Variants in LIG1 observed in about 807,000 individuals in gnomAD.
LIG1 encodes DNA ligase 1.
Under a neutral mutation model 115.7 loss-of-function variants are expected in LIG1, and 70 were observed. That is an observed-to-expected ratio of 0.60 (90% CI 0.50 to 0.74). The LOEUF is 0.74. LIG1 is among the 30% of genes least tolerant of loss of function. The pLI is 0.00. For missense variants in LIG1, 1,115 were observed against 1,225.6 expected (o/e 0.91, Z 1.35); for synonymous variants, 487 against 495.3 (o/e 0.98, Z 0.22).
chr19:48,142,453 A>AAAAAAAAAAAAAAAAAAC (rs1568516612), intron 11 of LIG1, among the ~76,000 whole-genome samples: 11 of 150,586 alleles, frequency 7.3e-5, no homozygotes, highest in Non-Finnish European at 1.2e-4. Flanking sequence ...AAAAAAAAAA[A>AAAAAAAAAAAAAAAAAAC]AAAACAGAGT....
intron 1 of LIG1, chr19:48,170,019 C>A: frequency 3.0e-6 from 1 of 335,892 alleles, no homozygotes; most frequent in South Asian, 2.1e-5. Flanking sequence ...CTCTGTCTCT[C>A]GTCTACCCTC....
chr19:48,138,912 G>A (rs1034696417), intron 12 of LIG1, among the ~76,000 whole-genome samples: 2 of 152,164 alleles, frequency 1.3e-5, no homozygotes, highest in Non-Finnish European at 2.9e-5. Flanking sequence ...AAAATCTTGA[G>A]TCTCATCTCC....
chr19:48,131,439 T>C (rs1340444523), intron 18 of LIG1, among the ~76,000 whole-genome samples: 2 of 152,168 alleles, frequency 1.3e-5, no homozygotes, highest in Non-Finnish European at 2.9e-5. Context: ...GGGTGCTGAT[T>C]TGTTTAAATG....
intron 23 of LIG1, 97 bp from the exon 24 acceptor site, chr19:48,121,419 GAAGT>G: frequency 8.3e-7 from 1 of 1,208,220 alleles, no homozygotes; most frequent in Non-Finnish European, 1.1e-6. Context: ...GGAGGGACTA[GAAGT>G]AAGTCTGAAG....
chr19:48,123,116 G>A, intron 22 of LIG1, 58 bp downstream of exon 22: 1 of 1,612,950 alleles, frequency 6.2e-7, no homozygotes, highest in Admixed American at 1.7e-5. Context: ...GGGACAGGCT[G>A]GGAGGCCGGG....
chr19:48,154,349 C>A lies in LIG1; in HGVS notation c.371-382G>T, dbSNP rs111503411. 1.3e-4 allele frequency: 41 copies of A among 314,956 alleles called. 2 individuals are homozygous for A. Among genetic ancestry groups the A allele is most frequent in the African/African-American group, 7.5e-4 (35 of 46,564 alleles). 19.5% of individuals were successfully genotyped at this position (314,956 alleles called of 1,614,324 possible). On this transcript the variant is annotated intron_variant, in intron 5 of 27. Coordinates refer to ENST00000263274, the MANE Select transcript of LIG1 (RefSeq NM_000234.3). ...ACAGCTTCCCCGGAACCTCAGAAGT[C>A]TGGAAGTGGCAGGGAATAAACTAGC...
At chr19:48,130,579 C>T (rs1254640530) in intron 19 of LIG1, among the ~76,000 whole-genome samples, 1 of 152,166 alleles carries the variant, frequency 6.6e-6, no homozygotes, top group Non-Finnish European at 1.5e-5. Flanking sequence ...CAGAGTTAGA[C>T]TCTGGCTTTC....
intron 7 of LIG1, among the ~76,000 whole-genome samples, chr19:48,150,983 G>A (rs767719645): frequency 3.2e-4 from 49 of 151,970 alleles, no homozygotes; most frequent in Admixed American, 2.6e-4. Context: ...TTACAGGTGT[G>A]AGGCACCGTA....
intron 2 of LIG1, among the ~76,000 whole-genome samples, chr19:48,162,836 A>T (rs2036261554): frequency 6.6e-6 from 1 of 152,212 alleles, no homozygotes; most frequent in Admixed American, 6.5e-5. Context: ...AAAGGAGGCA[A>T]CACTAATTTT....
At chr19:48,135,550 AC>A (rs2034324141) in intron 16 of LIG1, 129 bp downstream of exon 16, 1 of 789,650 alleles carries the variant, frequency 1.3e-6, no homozygotes, top group African/African-American at 1.7e-5. Flanking sequence ...GCTCTCAGTC[AC>A]CCCGTGACCG....
At chr19:48,148,895 A>G (rs1042503081) in intron 9 of LIG1, among the ~76,000 whole-genome samples, 3 of 152,224 alleles carry the variant, frequency 2.0e-5, no homozygotes, top group Non-Finnish European at 4.4e-5. Context: ...GGGCTGGGGC[A>G]GGGCGGCCGG....
At chr19:48,136,959 C>G (rs956585128) in intron 14 of LIG1, 49 bp downstream of exon 14, 1 of 1,457,906 alleles carries the variant, frequency 6.9e-7, no homozygotes, top group Non-Finnish European at 9.5e-7. Context: ...CTCCTTTCAC[C>G]TCCGAGCCTG....
In LIG1 at chr19:48,127,987, C is replaced by G. The variant is rs1336488265; in HGVS notation, c.1855G>C (p.Asp619His). The G allele has an allele frequency of 6.2e-7, 1 of 1,614,074 alleles. No homozygotes were observed. The highest frequency in any genetic ancestry group is 1.1e-5 in the South Asian group (1 of 91,074). ...KLPSVTSFIL[D>H]TEAVAWDREK... Reference sequence around the variant, plus strand: ...CGGTCCCAAGCCACGGCTTCGGTGTCCAGGATGAAGGATGTGACCGATGGG... The same window carrying G: ...CGGTCCCAAGCCACGGCTTCGGTGTGCAGGATGAAGGATGTGACCGATGGG... The change falls in exon 20 of 28, where the codon GAC becomes CAC. Residue 619 changes from aspartate to histidine, a missense_variant. Coordinates refer to ENST00000263274, the MANE Select transcript of LIG1 (RefSeq NM_000234.3).
intron 19 of LIG1, among the ~76,000 whole-genome samples, 162 bp from the exon 20 acceptor site, chr19:48,128,182 GAGAC>G (rs1236695239): frequency 1.3e-5 from 2 of 152,054 alleles, no homozygotes; most frequent in African/African-American, 4.8e-5. Flanking sequence ...CCACCAAGAG[GAGAC>G]AGAAACTAAT....
rs2034438930 is a variant in LIG1, at chr19:48,137,063, T to C, written c.1276A>G (p.Ile426Val). Residue 426 changes from isoleucine (I) to valine (V), a missense_variant, in exon 14 of 28, where the codon ATC becomes GTC. Physicochemically the swap from Ile to Val is conservative, Grantham distance 29. Transcript: ENST00000263274. The surrounding 1 kb of genome is among the most constrained non-coding windows in gnomAD (Gnocchi z 4.3). Reference protein sequence around the residue: ...GSASTAKKIDIIKGLFVACRH... With the variant: ...GSASTAKKIDVIKGLFVACRH... ...CAGGCCACAAAGAGGCCTTTGATGA[T>C]GTCTATCTTCTTGGCTGTGGACTGG... 3 of 1,612,968 alleles carry C rather than the reference T, an allele frequency of 1.9e-6. No individual in the cohort carries two copies. The highest frequency in any genetic ancestry group is 2.5e-6 in the Non-Finnish European group (3 of 1,179,692).
In LIG1 at chr19:48,164,862, G is replaced by T. The variant is rs111590749; in HGVS notation, c.17+688C>A. ...GGGCCTGATGGTTCTGTGTTGTTGG[G>T]GGGGCTGTCCTATGAATTGAAGGAT... On this transcript the variant is annotated intron_variant, in intron 2 of 27. Coordinates refer to ENST00000263274, the MANE Select transcript of LIG1 (RefSeq NM_000234.3). 4.4e-4 allele frequency among the ~76,000 whole-genome samples: 67 copies of T among 152,308 alleles called. 2 individuals are homozygous for T. The highest frequency in any genetic ancestry group is 1.5e-3 in the African/African-American group (62 of 41,568).
chr19:48,153,192 CAAAAAA>C (rs776965171), intron 6 of LIG1, among the ~76,000 whole-genome samples: 1 of 64,422 alleles, frequency 1.6e-5, no homozygotes, highest in Non-Finnish European at 3.4e-5. Flanking sequence ...GAGACTGTCT[CAAAAAA>C]AAAAAAAAAA....
At chr19:48,170,217 C>A (rs1329116910) in intron 1 of LIG1, 24 bp downstream of exon 1, 1 of 455,294 alleles carries the variant, frequency 2.2e-6, no homozygotes. Flanking sequence ...CGCCTCCCAT[C>A]TGCTTGCGGA....
rs780457620 is a variant in LIG1, at chr19:48,117,703, C to T, written c.2518G>A (p.Ala840Thr). Residue 840 changes from alanine to threonine, a missense_variant, in exon 26 of 28, where the codon GCT (alanine) becomes ACT (threonine). Physicochemically the swap from Ala to Thr is moderately conservative, Grantham distance 58. Transcript: ENST00000263274. ...VIPDHWLDPS[A>T]VWEVKCADLS... ...TCAGCGCACTTCACCTCCCACACAG[C>T]GCTGGGGTCCAGCCAGTGGTCGGGA... is the stretch of plus-strand genomic sequence containing the variant. The T allele has an allele frequency of 6.2e-6, 10 of 1,612,508 alleles. No homozygotes were observed. In the East Asian group the frequency reaches 1.6e-4, roughly 25 times the overall value.
Sources: allele counts gnomAD v4.1 joint callset (sites outside exome capture counted in the v4.1 genomes callset), GRCh38; gene constraint gnomAD v4.1.1; non-coding constraint Gnocchi (gnomAD v3.1); transcripts MANE v1.5; gene names NCBI Gene and HGNC (gene_info 2026-07-23, HGNC 2026-07-21).